Variants in IL1RAPL1 observed in about 807,000 individuals in gnomAD.
The protein encoded by IL1RAPL1 is interleukin-1 receptor accessory protein-like 1.
A neutral mutation model predicts 48.4 loss-of-function variants in IL1RAPL1; 3 were observed. The observed-to-expected ratio is 0.06, with a 90% CI of 0.03 to 0.16. The LOEUF (loss-of-function observed/expected upper bound fraction) is 0.16. IL1RAPL1 is among the 10% of genes least tolerant of loss of function. The pLI is 1.00. For synonymous variants in IL1RAPL1, 185 were observed against 187.7 expected, an observed-to-expected ratio of 0.99 and a Z score of 0.12; for missense variants, 349 against 530.6, an observed-to-expected ratio of 0.66 and a Z score of 3.36.
chrX:29,149,999 C>A (rs902322312), intron 2 of IL1RAPL1, among the ~76,000 whole-genome samples: 1 of 111,862 alleles, frequency 8.9e-6, no homozygotes, highest in Non-Finnish European at 1.9e-5. Flanking sequence ...CTTAAATATC[C>A]TTGACCTCCT....
At chrX:29,838,229 T>C (rs1371477126) in intron 6 of IL1RAPL1, among the ~76,000 whole-genome samples, 2 of 112,080 alleles carry the variant, frequency 1.8e-5, no homozygotes, top group Non-Finnish European at 3.8e-5. Context: ...TACTTCCATT[T>C]CCATTGTCAA....
chrX:28,804,417 A>G (rs1936706726), intron 2 of IL1RAPL1, among the ~76,000 whole-genome samples: 1 of 111,859 alleles, frequency 8.9e-6, no homozygotes, highest in South Asian at 3.7e-4. Context: ...TTAAAACAAC[A>G]CAAATTTATT....
At chrX:29,634,375 TAAAAC>T (rs1289538023) in intron 5 of IL1RAPL1, among the ~76,000 whole-genome samples, 2 of 111,278 alleles carry the variant, frequency 1.8e-5, no homozygotes, top group Non-Finnish European at 3.8e-5. Context: ...ATAAAAAAAA[TAAAAC>T]AGAGAGGAGT....
intron 6 of IL1RAPL1, among the ~76,000 whole-genome samples, chrX:29,825,258 T>C (rs1930709692): frequency 9.0e-6 from 1 of 111,206 alleles, no homozygotes. Context: ...CTTTCTTCAG[T>C]TTGCTGTCTA....
intron 2 of IL1RAPL1, among the ~76,000 whole-genome samples, chrX:28,896,873 C>T (rs1023761689): frequency 6.3e-5 from 7 of 110,628 alleles, no homozygotes; most frequent in African/African-American, 9.9e-5. Context: ...CACCTCAGAC[C>T]GTTTGCCCAT....
intron 3 of IL1RAPL1, among the ~76,000 whole-genome samples, chrX:29,337,684 A>T (rs1377266156): frequency 2.7e-5 from 3 of 110,627 alleles, no homozygotes; most frequent in African/African-American, 6.6e-5. Flanking sequence ...TTATTTATTT[A>T]TTTTTTTTGA....
intron 5 of IL1RAPL1, among the ~76,000 whole-genome samples, chrX:29,515,154 A>C (rs184825897): frequency 8.9e-6 from 1 of 112,571 alleles, no homozygotes; most frequent in Non-Finnish European, 1.9e-5. Flanking sequence ...TGTATTCATT[A>C]ATTTTTTAGT....
At chrX:28,913,666 G>A (rs777177816) in intron 2 of IL1RAPL1, among the ~76,000 whole-genome samples, 3 of 111,268 alleles carry the variant, frequency 2.7e-5, no homozygotes, top group Non-Finnish European at 5.7e-5. Context: ...ACTCCAGCCT[G>A]GGTGACAGAG....
chrX:29,253,170 G>A (rs1182449180), intron 2 of IL1RAPL1, among the ~76,000 whole-genome samples: 2 of 110,320 alleles, frequency 1.8e-5, no homozygotes, highest in Middle Eastern at 4.7e-3. Flanking sequence ...GAAAAATATC[G>A]AAAAGTATTA....
chrX:28,969,589 T>G (rs1440426344), intron 2 of IL1RAPL1, among the ~76,000 whole-genome samples: 3 of 110,338 alleles, frequency 2.7e-5, no homozygotes, highest in African/African-American at 9.9e-5. Flanking sequence ...ATTCCTATGA[T>G]GATGTTTGTT....
chrX:28,815,231 A>G (rs959843288), intron 2 of IL1RAPL1, among the ~76,000 whole-genome samples: 3 of 110,617 alleles, frequency 2.7e-5, no homozygotes, highest in Non-Finnish European at 5.7e-5. Context: ...CTATGATGAA[A>G]TCCCTCAAGT....
intron 2 of IL1RAPL1, among the ~76,000 whole-genome samples, chrX:28,971,912 G>GTGTGTGTA (rs1555948257): frequency 6.3e-4 from 69 of 108,828 alleles, no homozygotes; most frequent in African/African-American, 2.3e-3. Context: ...GTGTGTGTGT[G>GTGTGTGTA]TGTGTATTTC....
At chrX:29,158,602 C>T (rs185975580) in intron 2 of IL1RAPL1, among the ~76,000 whole-genome samples, 183 of 110,969 alleles carry the variant, frequency 1.6e-3, no homozygotes, top group African/African-American at 5.7e-3. Context: ...GTCTCGAACT[C>T]CTGACCTCAG....
intron 2 of IL1RAPL1, among the ~76,000 whole-genome samples, chrX:29,028,389 G>A (rs1376590165): frequency 1.9e-5 from 2 of 105,104 alleles, no homozygotes; most frequent in Non-Finnish European, 3.9e-5. Flanking sequence ...CCAGGTTCAA[G>A]TGATTCTCCT....
At chrX:29,013,636 T>C (rs1435265081) in intron 2 of IL1RAPL1, among the ~76,000 whole-genome samples, 1 of 111,770 alleles carries the variant, frequency 8.9e-6, no homozygotes, top group Non-Finnish European at 1.9e-5. Flanking sequence ...CCACACGTTC[T>C]TACTTGTAAG....
chrX:29,500,488 CT>C (rs1450606993), intron 5 of IL1RAPL1, among the ~76,000 whole-genome samples: 1 of 111,389 alleles, frequency 9.0e-6, no homozygotes, highest in African/African-American at 3.3e-5. Flanking sequence ...ATGAGATCTA[CT>C]TTTTCAGCTC....
intron 2 of IL1RAPL1, among the ~76,000 whole-genome samples, chrX:28,915,052 G>A (rs1467002492): frequency 9.0e-6 from 1 of 111,537 alleles, no homozygotes; most frequent in Non-Finnish European, 1.9e-5. Flanking sequence ...ATGGTTTGGG[G>A]TTGAAAGTGT....
chrX:28,749,815 A>G (rs1459135328), intron 1 of IL1RAPL1, among the ~76,000 whole-genome samples: 1 of 109,988 alleles, frequency 9.1e-6, no homozygotes, highest in Non-Finnish European at 1.9e-5. Context: ...CTAAAAAAAA[A>G]TTTGCTCAGC....
intron 5 of IL1RAPL1, among the ~76,000 whole-genome samples, chrX:29,465,033 C>T (rs1220248144): frequency 8.9e-6 from 1 of 111,883 alleles, no homozygotes; most frequent in Non-Finnish European, 1.9e-5. Context: ...ACAGAATTTA[C>T]CTGTATAACA....
Sources: allele counts gnomAD v4.1 joint callset (sites outside exome capture counted in the v4.1 genomes callset), GRCh38; gene constraint gnomAD v4.1.1; transcripts MANE v1.5; gene names NCBI Gene and HGNC (gene_info 2026-07-23, HGNC 2026-07-21).